Variants in HTR3D observed in about 807,000 individuals in gnomAD.
HTR3D encodes 5-hydroxytryptamine (serotonin) receptor 3 family member D.
In HTR3D, 47 loss-of-function variants were observed where a neutral mutation model predicts 45.8. That is an observed-to-expected ratio of 1.03 (90% CI 0.81 to 1.31). The LOEUF (loss-of-function observed/expected upper bound fraction) is 1.31. HTR3D is among the 50% of genes most tolerant of loss of function. The probability of loss-of-function intolerance (pLI) is 0.00; values close to 1 mark genes in which losing one functional copy is unlikely to be tolerated. For synonymous variants in HTR3D, 203 were observed against 199.8 expected (o/e 1.02, Z -0.13); for missense variants, 448 against 506.9 (o/e 0.88, Z 1.12).
intron 1 of HTR3D, chr3:184,034,912 G>A (rs1290692172): frequency 3.6e-6 from 2 of 553,458 alleles, no homozygotes; most frequent in South Asian, 3.3e-5. Context: ...GGCATGATAA[G>A]AAATGCTGTA....
chr3:184,033,066 T>C lies in HTR3D; in HGVS notation c.66+1259T>C, dbSNP rs1282386037. The C allele has an allele frequency of 8.4e-6, 13 of 1,546,982 alleles. 1 individual carries two copies. The highest frequency in any genetic ancestry group is 6.9e-5 in the African/African-American group (5 of 72,964). ...TTGTCTGCCATCTGGAAGTTGTAAG[T>C]CCTCACCCAACATTGCAGTGGTCTA... On this transcript the variant is annotated intron_variant, in intron 1 of 7. Transcript: ENST00000428798.
At chr3:184,037,568 T>C (rs1722944322) in intron 5 of HTR3D, among the ~76,000 whole-genome samples, 1 of 152,180 alleles carries the variant, frequency 6.6e-6, no homozygotes, top group Admixed American at 6.5e-5. Flanking sequence ...AACACTGCCT[T>C]AGGGATATGA....
At chr3:184,034,236 G>A (rs1187547274) in intron 1 of HTR3D, among the ~76,000 whole-genome samples, 1 of 152,036 alleles carries the variant, frequency 6.6e-6, no homozygotes, top group Non-Finnish European at 1.5e-5. Context: ...ATTAAATGTG[G>A]TATGTACTTA....
At chr3:184,037,037 CT>C (rs11448445) in intron 5 of HTR3D, 141 bp downstream of exon 5, 46,529 of 546,082 alleles carry the variant, frequency 0.085, 1 homozygote, top group South Asian at 0.12. Flanking sequence ...CTTTGTCACT[CT>C]TTTTTTTTTT....
At chr3:184,035,314 C>A in intron 2 of HTR3D, 92 bp downstream of exon 2, 3 of 1,039,816 alleles carry the variant, frequency 2.9e-6, no homozygotes, top group Non-Finnish European at 4.4e-6. Flanking sequence ...TTGGTTAAAG[C>A]TGAGAATATC....
chr3:184,036,269 T>C (rs1722885232), intron 3 of HTR3D, 106 bp from the exon 4 acceptor site: 4 of 1,512,142 alleles, frequency 2.6e-6, no homozygotes, highest in South Asian at 2.6e-5. Flanking sequence ...GTCATCTGAG[T>C]GGGGCTGGAG....
chr3:184,039,134 C>A lies in HTR3D; in HGVS notation c.*159C>A. On this transcript the variant is annotated 3_prime_UTR_variant, in exon 8 of 8. Transcript: ENST00000428798. ...ACCAGACCTGAATAGTCTCCTATGC[C>A]CTCCAAAAGTCGGGTCCTTGCTCCT... 1 of 768,592 alleles carries A rather than the reference C, an allele frequency of 1.3e-6. No individual in the cohort carries two copies. The highest frequency in any genetic ancestry group is 2.1e-6 in the Non-Finnish European group (1 of 486,336). 47.6% of individuals were successfully genotyped at this position (768,592 alleles called of 1,614,324 possible). A position where few individuals can be genotyped will look rare whatever the true frequency, so the allele number is the denominator to read the frequency against.
In HTR3D at chr3:184,035,201, A is replaced by G. The variant is rs202218977; in HGVS notation, c.90A>G (p.Thr30=). 6.4e-7 allele frequency: 1 copy of G among 1,552,212 alleles called. No homozygotes were observed. ...AGGATTCACACCTTCAACTGGTGAC[A>G]TCGTTCCTGTGGCTAAATATGGTAT... ...LLQDSHLQLV[T]SFLWLNMWNP... The change falls in exon 2 of 8, where the codon ACA becomes ACG. Residue 30 remains threonine (T), a synonymous_variant. Transcript: ENST00000428798.
At chr3:184,036,999 A>G in intron 5 of HTR3D, 103 bp downstream of exon 5, 1 of 1,113,394 alleles carries the variant, frequency 9.0e-7, no homozygotes, top group Non-Finnish European at 1.3e-6. Context: ...AAGTGCTGGG[A>G]TTACGGGCGT....
intron 1 of HTR3D, 142 bp downstream of exon 1, chr3:184,031,949 T>C (rs182575104): frequency 4.3e-5 from 27 of 623,310 alleles, no homozygotes; most frequent in Admixed American, 2.7e-4. Context: ...CTGATGGCTT[T>C]GTACCTCTTC....
intron 1 of HTR3D, among the ~76,000 whole-genome samples, chr3:184,032,641 C>T (rs1029554926): frequency 3.3e-5 from 5 of 152,108 alleles, no homozygotes; most frequent in Admixed American, 6.6e-5. Flanking sequence ...TGTAAAGTGG[C>T]GGTCGGGGTT....
At position 184,032,967 on chromosome 3, in the gene HTR3D, C is replaced by T. The variant is rs910167662; in HGVS notation, c.66+1160C>T. ...AGGGTGGACCCTGCAGCCTTTCAAG[C>T]AGTGTTTGACAGAAAGGCTATTGGT... On this transcript the variant is annotated intron_variant, in intron 1 of 7. Coordinates refer to ENST00000428798, the MANE Select transcript of HTR3D (RefSeq NM_001145143.1). 8.4e-6 allele frequency: 13 copies of T among 1,552,068 alleles called. No individual in the cohort carries two copies. In the African/African-American group the frequency reaches 1.8e-4, roughly 21 times the overall value.
intron 2 of HTR3D, among the ~76,000 whole-genome samples, 165 bp downstream of exon 2, chr3:184,035,387 T>C (rs1382232583): frequency 6.6e-6 from 1 of 152,190 alleles, no homozygotes; most frequent in Non-Finnish European, 1.5e-5. Flanking sequence ...ATTATTCTGC[T>C]GGTTTAGGAG....
At chr3:184,032,825 C>T in intron 1 of HTR3D, 1 of 1,547,498 alleles carries the variant, frequency 6.5e-7, no homozygotes, top group Non-Finnish European at 8.7e-7. Flanking sequence ...CCCCTGTTTT[C>T]TCTCCATGCA....
In HTR3D at chr3:184,038,658, C is replaced by T. The variant is rs749112338; in HGVS notation, c.985+34C>T. On this transcript the variant is annotated intron_variant, in intron 7 of 7. Coordinates refer to ENST00000428798, the MANE Select transcript of HTR3D (RefSeq NM_001145143.1). The surrounding 1 kb of genome is among the most constrained non-coding windows in gnomAD (Gnocchi z 4.5). ...AGTCATACTTCCTCTTCCCCCACCT[C>T]CACTTCTCTGCTCCTGCCTCCTTCC... 1.9e-6 allele frequency: 3 copies of T among 1,590,634 alleles called. No individual in the cohort carries two copies. Among genetic ancestry groups the T allele is most frequent in the Middle Eastern group, 1.7e-4 (1 of 5,990 alleles).
chr3:184,038,373 C>A lies in HTR3D; in HGVS notation c.770-36C>A. 1 of 1,613,506 alleles carries A rather than the reference C, an allele frequency of 6.2e-7. No homozygotes were observed. Among genetic ancestry groups the A allele is most frequent in the Non-Finnish European group, 8.5e-7 (1 of 1,179,492 alleles). ...GAAAGAAACAAGAAATTCTAGGTGG[C>A]GCCTCTGGCCCTCATGCAGACCCCC... On this transcript the variant is annotated intron_variant, in intron 6 of 7. Coordinates refer to ENST00000428798, the MANE Select transcript of HTR3D (RefSeq NM_001145143.1). This position sits in a 1 kb window ranked among gnomAD's most constrained non-coding sequence, Gnocchi z 4.5.
chr3:184,033,395 G>A (rs1248740510), intron 1 of HTR3D, among the ~76,000 whole-genome samples: 3 of 151,998 alleles, frequency 2.0e-5, no homozygotes, highest in Non-Finnish European at 4.4e-5. Context: ...GAGCCACCGT[G>A]CCTGGCCCTT....
Position 184,031,803 on chromosome 3 carries a change from T to C in HTR3D, c.62T>C (p.Leu21Pro). ...CTTGGCTTCATCCTCCACCTGCTGC[T>C]GCAAGTACCTTAAGATAAGAGCAAG... ...FLLGFILHLLLQDSHLQLVTS... is the reference protein window; with the variant it reads ...FLLGFILHLLPQDSHLQLVTS... The change falls in exon 1 of 8, where the codon CTG becomes CCG. Residue 21 changes from leucine (L) to proline (P), a missense_variant. Coordinates refer to ENST00000428798, the MANE Select transcript of HTR3D (RefSeq NM_001145143.1). 6.5e-7 allele frequency: 1 copy of C among 1,550,336 alleles called. No individual in the cohort carries two copies. The highest frequency in any genetic ancestry group is 8.7e-7 in the Non-Finnish European group (1 of 1,145,878).
chr3:184,031,587 G>GTT, upstream of HTR3D: 2 of 606,284 alleles, frequency 3.3e-6, no homozygotes, highest in South Asian at 3.9e-5. Flanking sequence ...TTATTCCTCT[G>GTT]TGACATTCTT....
Sources: gnomAD v4.1 joint callset for allele counts (sites outside exome capture counted in the v4.1 genomes callset) on GRCh38, gnomAD v4.1.1 for gene constraint, Gnocchi (gnomAD v3.1) non-coding constraint, MANE v1.5 for transcripts, NCBI Gene and HGNC (gene_info 2026-07-23, HGNC 2026-07-21) for gene names.